PAPPA2: variants seen among roughly 807,000 people sequenced by gnomAD.
PAPPA2 encodes pappalysin-2.
In PAPPA2, 86 loss-of-function variants were observed where a neutral mutation model predicts 176.4. That is an observed-to-expected ratio of 0.49 (90% confidence interval 0.41 to 0.58). PAPPA2 has a LOEUF of 0.58. Among genes scored for constraint, PAPPA2 ranks in the 20% least tolerant of loss-of-function variants. The pLI is 0.00. For synonymous variants in PAPPA2, 809 were observed against 852.2 expected (o/e 0.95, Z 0.88); for missense variants, 2,073 against 2,256.9 (o/e 0.92, Z 1.65).
Position 176,699,125 on chromosome 1 carries a change from C to T in PAPPA2, c.2772C>T (p.Cys924=), listed in dbSNP as rs749237384. The T allele has an allele frequency of 2.1e-5, 34 of 1,613,456 alleles. No homozygotes were observed. Among genetic ancestry groups the T allele is most frequent in the South Asian group, 6.6e-5 (6 of 91,034 alleles). ...GGCCTCCTGATGTGGATCAGCCCTG[C>T]GAGCCAAGCTTACAGGCCTGGAGCC... The part of the protein sequence containing the change: ...AVGPPDVDQP[C]EPSLQAWSPE... The change falls in exon 8 of 23, where the codon TGC becomes TGT. Residue 924 remains cysteine, a synonymous_variant. Coordinates refer to ENST00000367662, the MANE Select transcript of PAPPA2 (RefSeq NM_020318.3).
chr1:176,574,544 T>C (rs1356946036), intron 2 of PAPPA2, among the ~76,000 whole-genome samples: 2 of 152,164 alleles, frequency 1.3e-5, no homozygotes, highest in African/African-American at 4.8e-5. Context: ...CTTTGGCTAT[T>C]TGTGGGTCTA....
intron 12 of PAPPA2, among the ~76,000 whole-genome samples, chr1:176,728,897 A>G (rs1462752792): frequency 6.6e-6 from 1 of 151,936 alleles, no homozygotes; most frequent in Middle Eastern, 3.2e-3. Context: ...ATTTCCACAT[A>G]TTGTTGCCCA....
At chr1:176,534,755 T>C (rs1482820346) in intron 1 of PAPPA2, among the ~76,000 whole-genome samples, 1 of 152,198 alleles carries the variant, frequency 6.6e-6, no homozygotes, top group Non-Finnish European at 1.5e-5. Context: ...TATCCATTTC[T>C]AATGGAGACT....
intron 3 of PAPPA2, among the ~76,000 whole-genome samples, chr1:176,667,445 G>A (rs1658727947): frequency 6.6e-6 from 1 of 152,076 alleles, no homozygotes; most frequent in African/African-American, 2.4e-5. Flanking sequence ...AGAGTTCCAT[G>A]CACCTAAGAG....
At chr1:176,490,735 C>T (rs1357781121) in intron 1 of PAPPA2, among the ~76,000 whole-genome samples, 1 of 152,100 alleles carries the variant, frequency 6.6e-6, no homozygotes, top group Non-Finnish European at 1.5e-5. Flanking sequence ...GCTCAGTTCT[C>T]CCTAGTGTGG....
At chr1:176,554,026 A>G (rs1651122803) in intron 1 of PAPPA2, among the ~76,000 whole-genome samples, 1 of 152,094 alleles carries the variant, frequency 6.6e-6, no homozygotes, top group Non-Finnish European at 1.5e-5. Flanking sequence ...GAAAAAGGGC[A>G]GTCTAGGATT....
At chr1:176,760,685 A>G (rs572546232) in intron 14 of PAPPA2, among the ~76,000 whole-genome samples, 1 of 152,230 alleles carries the variant, frequency 6.6e-6, no homozygotes, top group Non-Finnish European at 1.5e-5. Context: ...AACACACATC[A>G]TTATTGCAGG....
chr1:176,643,646 T>C (rs1486651794), intron 3 of PAPPA2, among the ~76,000 whole-genome samples: 1 of 151,796 alleles, frequency 6.6e-6, no homozygotes, highest in African/African-American at 2.4e-5. Flanking sequence ...AGAAAATGCT[T>C]AGCTCTAGAT....
At chr1:176,802,118 C>A (rs1037016827) in intron 21 of PAPPA2, among the ~76,000 whole-genome samples, 1 of 152,086 alleles carries the variant, frequency 6.6e-6, no homozygotes, top group African/African-American at 2.4e-5. Context: ...GGAGTGGGGC[C>A]CAGCAGACTG....
chr1:176,663,834 C>T (rs1032368345), intron 3 of PAPPA2, among the ~76,000 whole-genome samples: 6 of 152,102 alleles, frequency 3.9e-5, no homozygotes, highest in African/African-American at 1.2e-4. Flanking sequence ...CTGGGGACCT[C>T]TCCCACTACA....
chr1:176,601,366 T>C (rs1444232969), intron 3 of PAPPA2, among the ~76,000 whole-genome samples: 1 of 152,172 alleles, frequency 6.6e-6, no homozygotes, highest in Non-Finnish European at 1.5e-5. Context: ...CAAAGATGCA[T>C]TCCTACCACC....
chr1:176,519,119 A>G (rs181266786), intron 1 of PAPPA2, among the ~76,000 whole-genome samples: 1 of 152,344 alleles, frequency 6.6e-6, no homozygotes, highest in Admixed American at 6.5e-5. Context: ...GTTCAATTCA[A>G]TATGGCCTCA....
At chr1:176,691,716 A>G (rs964663520) in intron 5 of PAPPA2, among the ~76,000 whole-genome samples, 3 of 152,198 alleles carry the variant, frequency 2.0e-5, no homozygotes, top group Non-Finnish European at 2.9e-5. Flanking sequence ...CCCCTTGAGC[A>G]GCTCCACTGA....
At chr1:176,650,171 T>TCTTGTAAAAAGACTTTGTAAATATA (rs1172876672) in intron 3 of PAPPA2, among the ~76,000 whole-genome samples, 2 of 151,480 alleles carry the variant, frequency 1.3e-5, no homozygotes, top group African/African-American at 4.8e-5. Context: ...CTTTTTACAG[T>TCTTGTAAAAAGACTTTGTAAATATA]CTTTGATTTG....
At chr1:176,689,417 C>T (rs925570695) in intron 4 of PAPPA2, among the ~76,000 whole-genome samples, 7 of 152,164 alleles carry the variant, frequency 4.6e-5, no homozygotes, top group African/African-American at 1.7e-4. Flanking sequence ...GGCATATTCT[C>T]ATGGTGATTG....
chr1:176,721,278 G>A (rs1661602264), intron 12 of PAPPA2, among the ~76,000 whole-genome samples: 1 of 152,140 alleles, frequency 6.6e-6, no homozygotes, highest in Non-Finnish European at 1.5e-5. Flanking sequence ...ATTTTATAAT[G>A]AATAAGATAC....
At chr1:176,599,709 A>T (rs978530959) in intron 3 of PAPPA2, among the ~76,000 whole-genome samples, 1 of 151,786 alleles carries the variant, frequency 6.6e-6, no homozygotes, top group South Asian at 2.1e-4. Context: ...TATCCGATGC[A>T]TCTGAAGTCA....
intron 4 of PAPPA2, among the ~76,000 whole-genome samples, chr1:176,679,786 T>C (rs1573240828): frequency 6.6e-6 from 1 of 152,038 alleles, no homozygotes; most frequent in East Asian, 1.9e-4. Context: ...CAGAGAGAAG[T>C]ACATTAGCAG....
At chr1:176,599,506 TA>T (rs1654182827) in intron 3 of PAPPA2, among the ~76,000 whole-genome samples, 1 of 141,622 alleles carries the variant, frequency 7.1e-6, no homozygotes, top group African/African-American at 2.7e-5. Context: ...TAGTTTGTTC[TA>T]CTTTTTTTTT....
Sources: gnomAD v4.1 joint callset for allele counts (sites outside exome capture counted in the v4.1 genomes callset) on GRCh38, gnomAD v4.1.1 for gene constraint, MANE v1.5 for transcripts, NCBI Gene and HGNC (gene_info 2026-07-23, HGNC 2026-07-21) for gene names.